The following RANBP2 variants were observed in gnomAD, a reference collection of about 807,000 sequenced individuals.
RANBP2 encodes RAN binding protein 2, also known as E3 SUMO-protein ligase RanBP2.
RANBP2 carries 57 observed loss-of-function variants against 303.6 expected under a neutral mutation model. That is an observed-to-expected ratio of 0.19 (90% CI 0.15 to 0.23). The LOEUF (loss-of-function observed/expected upper bound fraction) is 0.23, where lower values mean the gene tolerates loss of function less well. Among genes scored for constraint, RANBP2 ranks in the 10% least tolerant of loss-of-function variants. The probability of loss-of-function intolerance (pLI) is 1.00; values close to 1 mark genes in which losing one functional copy is unlikely to be tolerated. For missense variants in RANBP2, 3,138 were observed against 3,780.8 expected (o/e 0.83, Z 4.46); for synonymous variants, 1,167 against 1,301.5 (o/e 0.90, Z 2.23).
the RANBP2 span, among the ~76,000 whole-genome samples, chr2:109,014,520 G>A: frequency 2.0e-5 from 3 of 152,220 alleles, 1 homozygote; most frequent in Non-Finnish European, 4.4e-5. Flanking sequence ...TCTATGTTAA[G>A]TACAACCAAG....
the RANBP2 span, among the ~76,000 whole-genome samples, chr2:109,319,677 G>C: frequency 6.6e-6 from 1 of 152,188 alleles, no homozygotes; most frequent in Non-Finnish European, 1.5e-5. Context: ...TCTTTTTAAA[G>C]TGTGCGATCT....
the RANBP2 span, among the ~76,000 whole-genome samples, chr2:109,109,577 A>G: frequency 6.6e-6 from 1 of 152,244 alleles, no homozygotes; most frequent in Admixed American, 6.5e-5. Flanking sequence ...AAGTTTAATT[A>G]AATTGCTTCC....
the RANBP2 span, chr2:108,906,295 T>A: frequency 6.2e-7 from 1 of 1,614,182 alleles, no homozygotes; most frequent in Admixed American, 1.7e-5. Flanking sequence ...CCCAGGCTTT[T>A]TTTTCAGCTT....
At chr2:109,288,468 G>C in the RANBP2 span, among the ~76,000 whole-genome samples, 1 of 152,212 alleles carries the variant, frequency 6.6e-6, no homozygotes, top group Non-Finnish European at 1.5e-5. Context: ...AGAGCCCACA[G>C]AGATGTCATT....
the RANBP2 span, among the ~76,000 whole-genome samples, chr2:109,587,913 C>CA: frequency 0.064 from 8,609 of 134,588 alleles, 810 homozygotes; most frequent in African/African-American, 0.21. Flanking sequence ...ACTCCATCTC[C>CA]AAAAAAAAAA....
the RANBP2 span, chr2:108,794,423 T>C: frequency 4.1e-6 from 4 of 981,952 alleles, no homozygotes; most frequent in East Asian, 2.7e-5. Flanking sequence ...TTGTCTCTCT[T>C]GAAACTTTTT....
chr2:109,321,991 C>G, the RANBP2 span, among the ~76,000 whole-genome samples: 23 of 152,238 alleles, frequency 1.5e-4, no homozygotes, highest in African/African-American at 5.1e-4. Context: ...AGTATGAAAG[C>G]AAATACCACA....
At chr2:109,039,811 C>G in the RANBP2 span, among the ~76,000 whole-genome samples, 1 of 151,198 alleles carries the variant, frequency 6.6e-6, no homozygotes, top group African/African-American at 2.4e-5. Context: ...AGCTTTTTTT[C>G]TATTTGTTAT....
chr2:108,990,120 A>G, the RANBP2 span, among the ~76,000 whole-genome samples: 1 of 152,220 alleles, frequency 6.6e-6, no homozygotes, highest in Admixed American at 6.5e-5. Context: ...ACATGGTGAA[A>G]CTCCGTCCCT....
chr2:109,576,529 G>A, the RANBP2 span, among the ~76,000 whole-genome samples: 1 of 152,006 alleles, frequency 6.6e-6, no homozygotes, highest in Non-Finnish European at 1.5e-5. Flanking sequence ...TTGGAAAGTG[G>A]TCTAAATGTG....
At chr2:108,773,166 G>A in intron 23 of RANBP2, 120 bp downstream of exon 23, 1 of 1,046,450 alleles carries the variant, frequency 9.6e-7, no homozygotes, top group Admixed American at 2.0e-5. Flanking sequence ...TGCCCAGGCT[G>A]GAGTGCAATG....
chr2:108,770,621 C>CAAATAAAT (rs201440964), intron 20 of RANBP2, among the ~76,000 whole-genome samples: 1 of 150,154 alleles, frequency 6.7e-6, no homozygotes, highest in African/African-American at 2.5e-5. Flanking sequence ...GACTGCATCT[C>CAAATAAAT]AAATAAATAA....
the RANBP2 span, among the ~76,000 whole-genome samples, chr2:108,809,445 ATGT>A: frequency 1.6e-5 from 2 of 123,684 alleles, no homozygotes; most frequent in Admixed American, 1.7e-4. Flanking sequence ...TGAACATGAA[ATGT>A]TGTGTGTGTG....
chr2:109,585,231 A>G, the RANBP2 span: 1 of 1,613,160 alleles, frequency 6.2e-7, no homozygotes, highest in Non-Finnish European at 8.5e-7. Flanking sequence ...TTTAAGTTTA[A>G]CATTTGGGCA....
chr2:109,481,846 A>G, the RANBP2 span, among the ~76,000 whole-genome samples: 1 of 152,114 alleles, frequency 6.6e-6, no homozygotes, highest in African/African-American at 2.4e-5. Context: ...GTGCCTGCCC[A>G]GGTCACAAGG....
chr2:108,897,374 A>C, the RANBP2 span: 1 of 795,154 alleles, frequency 1.3e-6, no homozygotes, highest in African/African-American at 1.7e-5. Flanking sequence ...CCTAAAACAA[A>C]TGCATAACTT....
chr2:109,078,134 T>TTC, the RANBP2 span, among the ~76,000 whole-genome samples: 2 of 69,604 alleles, frequency 2.9e-5, no homozygotes, highest in Non-Finnish European at 5.3e-5. Flanking sequence ...TATATATATA[T>TTC]AGCGTGTATA....
At chr2:109,193,311 C>T in the RANBP2 span, among the ~76,000 whole-genome samples, 7 of 152,234 alleles carry the variant, frequency 4.6e-5, no homozygotes, top group South Asian at 8.3e-4. Context: ...ATTCACATAC[C>T]GTGAATTCAT....
the RANBP2 span, among the ~76,000 whole-genome samples, chr2:109,096,625 GGA>G: frequency 6.6e-6 from 1 of 152,138 alleles, no homozygotes; most frequent in Admixed American, 6.5e-5. Context: ...GGACTCTCAT[GGA>G]GAGCTGAAAT....
Sources: allele counts gnomAD v4.1 joint callset (sites outside exome capture counted in the v4.1 genomes callset), GRCh38; gene constraint gnomAD v4.1.1; transcripts MANE v1.5; gene names NCBI Gene and HGNC (gene_info 2026-07-23, HGNC 2026-07-21).